FUT8: variants seen among roughly 807,000 people sequenced by gnomAD.
FUT8 encodes alpha-(1,6)-fucosyltransferase.
Under a neutral mutation model 71.3 loss-of-function variants are expected in FUT8, and 29 were observed. The observed-to-expected ratio is 0.41, with a 90% CI of 0.30 to 0.55. FUT8 has a LOEUF of 0.55. FUT8 is among the 20% of genes least tolerant of loss of function. The probability of loss-of-function intolerance (pLI) is 0.34; values close to 1 mark genes in which losing one functional copy is unlikely to be tolerated. For missense variants in FUT8, 544 were observed against 702.1 expected, an observed-to-expected ratio of 0.77 and a Z score of 2.55; for synonymous variants, 254 against 239.3, an observed-to-expected ratio of 1.06 and a Z score of -0.57.
At chr14:65,525,773 A>G (rs1240988054) in intron 2 of FUT8, among the ~76,000 whole-genome samples, 6 of 152,146 alleles carry the variant, frequency 3.9e-5, no homozygotes, top group Admixed American at 1.3e-4. Context: ...CTTTGTTATT[A>G]CTGGTTTCAA....
chr14:65,395,190 A>T, the FUT8 span, among the ~76,000 whole-genome samples: 1 of 152,164 alleles, frequency 6.6e-6, no homozygotes, highest in African/African-American at 2.4e-5. Flanking sequence ...AGCTGCTTTC[A>T]TAGGCTGGTA....
intron 3 of FUT8, among the ~76,000 whole-genome samples, chr14:65,593,837 A>G (rs1423170110): frequency 1.3e-5 from 2 of 152,156 alleles, no homozygotes; most frequent in African/African-American, 4.8e-5. Flanking sequence ...TGGCCTCCCA[A>G]AGTGCTGGGA....
chr14:65,585,068 C>T (rs185058827), intron 3 of FUT8, among the ~76,000 whole-genome samples: 28 of 152,258 alleles, frequency 1.8e-4, no homozygotes, highest in African/African-American at 2.4e-4. Context: ...ATTTGCCTCC[C>T]AACTCAACTG....
the FUT8 span, among the ~76,000 whole-genome samples, chr14:65,364,950 AC>A: frequency 2.6e-5 from 4 of 151,276 alleles, no homozygotes; most frequent in African/African-American, 9.7e-5. Context: ...GTCCACACAC[AC>A]CCCTCATGCT....
At chr14:65,692,605 G>C (rs1186093980) in intron 7 of FUT8, among the ~76,000 whole-genome samples, 1 of 150,456 alleles carries the variant, frequency 6.6e-6, no homozygotes, top group Admixed American at 6.6e-5. Flanking sequence ...CTGGGCGGGG[G>C]GCTGACCCCC....
intron 2 of FUT8, among the ~76,000 whole-genome samples, chr14:65,545,043 C>A (rs1884909005): frequency 6.6e-6 from 1 of 151,244 alleles, no homozygotes; most frequent in African/African-American, 2.4e-5. Flanking sequence ...TCGTTGTCTT[C>A]ATTTCAGTTT....
At chr14:65,475,958 G>A (rs1426236707) in intron 2 of FUT8, among the ~76,000 whole-genome samples, 1 of 152,128 alleles carries the variant, frequency 6.6e-6, no homozygotes, top group Non-Finnish European at 1.5e-5. Flanking sequence ...CCCTGCTGTG[G>A]TAGTAAGAGC....
intron 7 of FUT8, among the ~76,000 whole-genome samples, chr14:65,701,204 A>G (rs978746151): frequency 1.3e-5 from 2 of 152,208 alleles, no homozygotes; most frequent in African/African-American, 2.4e-5. Flanking sequence ...TCAAGAGTAG[A>G]TACTTTAATT....
intron 5 of FUT8, 143 bp from the exon 6 acceptor site, chr14:65,629,349 C>T (rs1053200183): frequency 5.8e-5 from 30 of 515,438 alleles, no homozygotes; most frequent in African/African-American, 5.0e-4. Context: ...AATTGCACAA[C>T]CTTGATAGAA....
intron 6 of FUT8, among the ~76,000 whole-genome samples, chr14:65,639,248 A>G (rs1192747358): frequency 6.6e-6 from 1 of 152,166 alleles, no homozygotes; most frequent in Non-Finnish European, 1.5e-5. Flanking sequence ...AAAGAAGAAA[A>G]TTTATTGAAG....
At chr14:65,654,217 C>T (rs1421276577) in intron 6 of FUT8, among the ~76,000 whole-genome samples, 1 of 152,112 alleles carries the variant, frequency 6.6e-6, no homozygotes, top group Non-Finnish European at 1.5e-5. Flanking sequence ...TTCTGCATTC[C>T]ATTTCAAATG....
the FUT8 span, among the ~76,000 whole-genome samples, chr14:65,388,484 G>A: frequency 2.0e-5 from 3 of 152,140 alleles, no homozygotes; most frequent in African/African-American, 4.8e-5. Context: ...AATATCGGCC[G>A]GGCATGGTGG....
At chr14:65,658,178 CA>C (rs1451842097) in intron 6 of FUT8, among the ~76,000 whole-genome samples, 1 of 151,972 alleles carries the variant, frequency 6.6e-6, no homozygotes, top group Non-Finnish European at 1.5e-5. Context: ...ATGCAAAAGA[CA>C]TATACAGATG....
chr14:65,385,088 G>A, the FUT8 span, among the ~76,000 whole-genome samples: 5 of 151,672 alleles, frequency 3.3e-5, no homozygotes, highest in East Asian at 1.9e-4. Context: ...TAGTAGAGAC[G>A]GGATTTCTTT....
At chr14:65,513,590 T>A (rs776975855) in intron 2 of FUT8, among the ~76,000 whole-genome samples, 1 of 152,160 alleles carries the variant, frequency 6.6e-6, no homozygotes, top group Non-Finnish European at 1.5e-5. Flanking sequence ...AATCTTCTTA[T>A]TAAAATTAGA....
chr14:65,613,100 A>C (rs1353869658), intron 3 of FUT8, among the ~76,000 whole-genome samples: 1 of 151,214 alleles, frequency 6.6e-6, no homozygotes, highest in African/African-American at 2.4e-5. Flanking sequence ...TACTAATTCC[A>C]TTATGTTTTA....
intron 2 of FUT8, among the ~76,000 whole-genome samples, chr14:65,541,236 T>TG (rs1185170361): frequency 6.6e-6 from 1 of 152,196 alleles, no homozygotes. Flanking sequence ...GATGCGTAAT[T>TG]GTCAGGGTTG....
At chr14:65,383,355 A>G in the FUT8 span, among the ~76,000 whole-genome samples, 5 of 140,520 alleles carry the variant, frequency 3.6e-5, no homozygotes, top group African/African-American at 1.3e-4. Flanking sequence ...GCTCACCGCA[A>G]TCGCCGCCTC....
chr14:65,562,282 A>G (rs1294518167), intron 3 of FUT8, among the ~76,000 whole-genome samples: 2 of 152,174 alleles, frequency 1.3e-5, no homozygotes, highest in East Asian at 1.9e-4. Context: ...AAACTCATGT[A>G]TATTAAAAAT....
Sources: allele counts gnomAD v4.1 joint callset (sites outside exome capture counted in the v4.1 genomes callset), GRCh38; gene constraint gnomAD v4.1.1; transcripts MANE v1.5; gene names NCBI Gene and HGNC (gene_info 2026-07-23, HGNC 2026-07-21).